Variants in PCDH15 observed in about 807,000 individuals in gnomAD.
The protein encoded by PCDH15 is protocadherin-15.
PCDH15 carries 129 observed loss-of-function variants against 178.5 expected under a neutral mutation model. The observed-to-expected ratio is 0.72, with a 90% CI of 0.63 to 0.84. The LOEUF is 0.84. PCDH15 is among the 40% of genes least tolerant of loss of function. The pLI, the probability that PCDH15 is intolerant of heterozygous loss-of-function variation, is 0.00. For synonymous variants in PCDH15, 800 were observed against 732.0 expected (o/e 1.09, Z -1.50); for missense variants, 2,230 against 2,099.9 (o/e 1.06, Z -1.21).
intron 2 of PCDH15, among the ~76,000 whole-genome samples, chr10:55,103,277 A>G (rs900731040): frequency 6.6e-6 from 1 of 152,144 alleles, no homozygotes; most frequent in East Asian, 1.9e-4. Flanking sequence ...ATTGTCTAAT[A>G]TCAATTTATT....
At chr10:55,143,956 C>T (rs900646655) in intron 2 of PCDH15, among the ~76,000 whole-genome samples, 1 of 151,726 alleles carries the variant, frequency 6.6e-6, no homozygotes, top group Non-Finnish European at 1.5e-5. Context: ...TTTTGAATTA[C>T]TGAAACAAAT....
At chr10:55,072,728 A>C (rs1297346439) in intron 2 of PCDH15, among the ~76,000 whole-genome samples, 1 of 151,940 alleles carries the variant, frequency 6.6e-6, no homozygotes, top group Non-Finnish European at 1.5e-5. Context: ...AAAAGAGGGA[A>C]TCCTCCCTAA....
chr10:54,315,158 G>A (rs1591755650), intron 8 of PCDH15, among the ~76,000 whole-genome samples: 1 of 152,144 alleles, frequency 6.6e-6, no homozygotes, highest in East Asian at 1.9e-4. Flanking sequence ...CACCAACAGT[G>A]TATAAGTGTT....
intron 20 of PCDH15, among the ~76,000 whole-genome samples, chr10:54,017,951 T>C (rs780235890): frequency 6.6e-6 from 1 of 152,184 alleles, no homozygotes; most frequent in South Asian, 2.1e-4. Flanking sequence ...ACAGTTATAC[T>C]AATTATGTAT....
intron 3 of PCDH15, among the ~76,000 whole-genome samples, chr10:54,836,061 CA>C (rs1431490300): frequency 1.3e-5 from 2 of 151,996 alleles, no homozygotes; most frequent in Non-Finnish European, 2.9e-5. Context: ...TATTGCAACA[CA>C]AAAAAGTTCC....
intron 3 of PCDH15, among the ~76,000 whole-genome samples, chr10:54,457,230 T>A (rs2076883149): frequency 6.6e-6 from 1 of 152,156 alleles, no homozygotes; most frequent in Non-Finnish European, 1.5e-5. Flanking sequence ...CAACTCTAAC[T>A]ATCAAAGTGA....
At chr10:55,135,171 G>A (rs1435911772) in intron 2 of PCDH15, among the ~76,000 whole-genome samples, 2 of 152,044 alleles carry the variant, frequency 1.3e-5, no homozygotes. Context: ...TATGAATTGT[G>A]TAATTTGAGT....
intron 2 of PCDH15, among the ~76,000 whole-genome samples, chr10:54,597,930 C>T (rs967481715): frequency 2.6e-5 from 4 of 152,040 alleles, no homozygotes; most frequent in African/African-American, 9.7e-5. Flanking sequence ...CCAAGCTGAA[C>T]CAGGAAGAAA....
chr10:53,892,692 TG>T (rs1589283283), intron 26 of PCDH15, among the ~76,000 whole-genome samples: 1 of 152,306 alleles, frequency 6.6e-6, no homozygotes, highest in East Asian at 1.9e-4. Context: ...CAACTGGTAA[TG>T]TTTTTTATGG....
intron 2 of PCDH15, among the ~76,000 whole-genome samples, chr10:55,089,977 A>G (rs904527640): frequency 6.6e-6 from 1 of 152,098 alleles, no homozygotes; most frequent in African/African-American, 2.4e-5. Context: ...TAAAACCTAT[A>G]TTTAATAATG....
At chr10:54,421,693 T>TATATATAC (rs1346156229) in intron 3 of PCDH15, among the ~76,000 whole-genome samples, 2 of 115,908 alleles carry the variant, frequency 1.7e-5, no homozygotes, top group East Asian at 2.3e-4. Context: ...TATATATATA[T>TATATATAC]ACACACACAC....
At position 54,779,406 on chromosome 10, in the gene PCDH15, GTATA is replaced by G. The variant is rs60576217; in HGVS notation, c.-29+21515_-29+21518del. 6.3e-3 allele frequency among the ~76,000 whole-genome samples: 674 copies of G among 106,980 alleles called. 4 individuals carry two copies. Among genetic ancestry groups the G allele is most frequent in the African/African-American group, 0.017 (438 of 25,424 alleles). 70.2% of individuals were successfully genotyped at this position (106,980 alleles called of 152,430 possible). A position where few individuals can be genotyped will look rare whatever the true frequency, so the allele number is the denominator to read the frequency against. On this transcript the variant is annotated intron_variant, in intron 1 of 37. Coordinates refer to ENST00000644397, the MANE Select transcript of PCDH15 (RefSeq NM_001384140.1). Reference sequence around the variant, plus strand: ...TGTCTCTCTCTCTCTATATATATATGTATATATATATATATACACACACATATGT... The same window carrying G: ...TGTCTCTCTCTCTCTATATATATATGTATATATATATACACACACATATGT...
chr10:53,822,795 G>A, intron 32 of PCDH15: 3 of 1,614,060 alleles, frequency 1.9e-6, no homozygotes, highest in Non-Finnish European at 2.5e-6. Context: ...TATCATCAGT[G>A]TTTCACCTTG....
chr10:55,441,422 T>A (rs1221606739), intron 2 of PCDH15, among the ~76,000 whole-genome samples: 1 of 151,398 alleles, frequency 6.6e-6, no homozygotes, highest in African/African-American at 2.4e-5. Flanking sequence ...CACTGGAAAT[T>A]TAAAACAACA....
At chr10:55,618,659 T>C (rs1197282815) in intron 2 of PCDH15, among the ~76,000 whole-genome samples, 1 of 152,056 alleles carries the variant, frequency 6.6e-6, no homozygotes, top group Non-Finnish European at 1.5e-5. Context: ...AGTCTTGTGA[T>C]ACTCATGTGG....
At chr10:55,543,303 T>G (rs1416898090) in intron 2 of PCDH15, among the ~76,000 whole-genome samples, 15 of 133,374 alleles carry the variant, frequency 1.1e-4, no homozygotes, top group Admixed American at 1.1e-3. Context: ...GACAGAGAAA[T>G]CAAAGAAGCT....
intron 3 of PCDH15, among the ~76,000 whole-genome samples, chr10:54,379,270 A>T (rs889895728): frequency 1.3e-5 from 2 of 152,148 alleles, no homozygotes; most frequent in Admixed American, 6.6e-5. Flanking sequence ...TATCCTGAAC[A>T]AAAGGAAATG....
chr10:54,425,366 G>A (rs971346425), intron 3 of PCDH15, among the ~76,000 whole-genome samples: 3 of 152,014 alleles, frequency 2.0e-5, no homozygotes, highest in Admixed American at 1.3e-4. Flanking sequence ...CAGCCCTCTC[G>A]CCATATGATA....
chr10:54,356,271 T>A (rs561849785), intron 5 of PCDH15, among the ~76,000 whole-genome samples: 11 of 152,036 alleles, frequency 7.2e-5, no homozygotes, highest in African/African-American at 2.2e-4. Context: ...AAATATCAGG[T>A]GAATTAAAAT....
Sources: gnomAD v4.1 joint callset for allele counts (sites outside exome capture counted in the v4.1 genomes callset) on GRCh38, gnomAD v4.1.1 for gene constraint, MANE v1.5 for transcripts, NCBI Gene and HGNC (gene_info 2026-07-23, HGNC 2026-07-21) for gene names.